VWC2: variants seen among roughly 807,000 people sequenced by gnomAD.
VWC2 encodes von Willebrand factor C domain containing 2.
In VWC2, 14 loss-of-function variants were observed where a neutral mutation model predicts 29.8. That is an observed-to-expected ratio of 0.47 (90% CI 0.31 to 0.74). VWC2 has a LOEUF of 0.74. Ranked by LOEUF, VWC2 falls within the 30% of genes least tolerant of loss-of-function variation. The probability of loss-of-function intolerance (pLI) is 0.05; values close to 1 mark genes in which losing one functional copy is unlikely to be tolerated. For synonymous variants in VWC2, 213 were observed against 199.0 expected (o/e 1.07, Z -0.59); for missense variants, 457 against 459.8 (o/e 0.99, Z 0.05).
At chr7:49,875,132 G>A (rs1791345110) in intron 3 of VWC2, among the ~76,000 whole-genome samples, 1 of 151,336 alleles carries the variant, frequency 6.6e-6, no homozygotes, top group Admixed American at 6.6e-5. Context: ...AGCACTTTGG[G>A]AGGCCGAGGC....
intron 3 of VWC2, among the ~76,000 whole-genome samples, chr7:49,893,973 A>C (rs1792256041): frequency 1.3e-5 from 2 of 152,156 alleles, no homozygotes; most frequent in Admixed American, 6.5e-5. Context: ...CTGGGCTCTC[A>C]CTGCTTGGAG....
rs555495257 is a variant in VWC2, at chr7:49,804,174, A to T, written c.826+1334A>T. On this transcript the variant is annotated intron_variant, in intron 3 of 3. Transcript: ENST00000340652. Reference sequence around the variant, plus strand: ...GAGCATGGAGTGTGTTTTTTTTTTAAAAAAAAAAATGATGTTGAGACACCA... The same window carrying T: ...GAGCATGGAGTGTGTTTTTTTTTTATAAAAAAAAATGATGTTGAGACACCA... Among the ~76,000 whole-genome samples, 464 of 149,918 alleles carry T rather than the reference A, an allele frequency of 3.1e-3. 2 individuals are homozygous for T. The highest frequency in any genetic ancestry group is 4.0e-3 in the African/African-American group (163 of 40,946).
chr7:49,906,024 A>C (rs989111921), intron 3 of VWC2, among the ~76,000 whole-genome samples: 1 of 152,230 alleles, frequency 6.6e-6, no homozygotes, highest in African/African-American at 2.4e-5. Flanking sequence ...CAGAAAACTC[A>C]TAAATAATTG....
Position 49,848,487 on chromosome 7 carries a change from C to T in VWC2, c.826+45647C>T, listed in dbSNP as rs1790048737. ...CCACCTGCCCAGGGTCGGCTGTGGGCCATAGGAACTGTTGCTCAGTGAGCC... is the reference window on the plus strand; with the variant it reads ...CCACCTGCCCAGGGTCGGCTGTGGGTCATAGGAACTGTTGCTCAGTGAGCC... On this transcript the variant is annotated intron_variant, in intron 3 of 3. Transcript: ENST00000340652. 2.0e-5 allele frequency among the ~76,000 whole-genome samples: 3 copies of T among 152,204 alleles called. No homozygotes were observed. The South Asian group carries it at 6.2e-4, about 31-fold the overall frequency.
Position 49,919,406 on chromosome 7 carries a change from T to G in VWC2, c.*7221T>G, listed in dbSNP as rs1793901891. 2 of 152,206 alleles carry G rather than the reference T, an allele frequency of 1.3e-5. No individual in the cohort carries two copies. The highest frequency in any genetic ancestry group is 6.5e-5 in the Admixed American group (1 of 15,290). 9.4% of individuals were successfully genotyped at this position (152,206 alleles called of 1,614,324 possible). A position where few individuals can be genotyped will look rare whatever the true frequency, so the allele number is the denominator to read the frequency against. ...TACATCAGTATTATGATTTATACTT[T>G]TAAGCAAAATTTTGCCATTTTCTGA... On this transcript the variant is annotated 3_prime_UTR_variant, in exon 4 of 4. Coordinates refer to ENST00000340652, the MANE Select transcript of VWC2 (RefSeq NM_198570.5).
At chr7:49,786,855 T>A (rs1401434224) in intron 2 of VWC2, among the ~76,000 whole-genome samples, 1 of 152,212 alleles carries the variant, frequency 6.6e-6, no homozygotes, top group East Asian at 1.9e-4. Context: ...GCTGATTTGT[T>A]TAAATTTCTT....
intron 3 of VWC2, among the ~76,000 whole-genome samples, chr7:49,900,847 A>T (rs1345783052): frequency 2.0e-5 from 3 of 151,928 alleles, no homozygotes; most frequent in Admixed American, 6.6e-5. Flanking sequence ...AAGAATATAG[A>T]TGCAAAAATC....
At chr7:49,803,937 T>C (rs917064357) in intron 3 of VWC2, among the ~76,000 whole-genome samples, 2 of 152,138 alleles carry the variant, frequency 1.3e-5, no homozygotes, top group African/African-American at 4.8e-5. Context: ...ATGTTGCTGT[T>C]GAAGGATAGA....
At chr7:49,783,417 G>A (rs1788221119) in intron 2 of VWC2, among the ~76,000 whole-genome samples, 1 of 152,168 alleles carries the variant, frequency 6.6e-6, no homozygotes, top group East Asian at 1.9e-4. Flanking sequence ...TCCTGGGCCA[G>A]ATGTTCTAGG....
chr7:49,909,563 T>C (rs1793293174), intron 3 of VWC2, among the ~76,000 whole-genome samples: 1 of 151,982 alleles, frequency 6.6e-6, no homozygotes, highest in African/African-American at 2.4e-5. Flanking sequence ...GGTCTTGAAT[T>C]TAAAGTCTTA....
At chr7:49,825,889 T>A (rs1011521893) in intron 3 of VWC2, among the ~76,000 whole-genome samples, 1 of 152,318 alleles carries the variant, frequency 6.6e-6, no homozygotes, top group East Asian at 1.9e-4. Flanking sequence ...TGGCCAGAGT[T>A]ACAGGCAGTT....
At chr7:49,895,638 A>G (rs1275291754) in intron 3 of VWC2, among the ~76,000 whole-genome samples, 3 of 152,162 alleles carry the variant, frequency 2.0e-5, no homozygotes, top group Non-Finnish European at 2.9e-5. Context: ...AATCAACACA[A>G]TGTAACATAT....
intron 3 of VWC2, among the ~76,000 whole-genome samples, chr7:49,904,313 C>T (rs1328852155): frequency 6.6e-6 from 1 of 152,164 alleles, no homozygotes; most frequent in Non-Finnish European, 1.5e-5. Flanking sequence ...CTGTATTATT[C>T]TATAATCATG....
intron 3 of VWC2, among the ~76,000 whole-genome samples, chr7:49,860,305 A>G (rs78582831): frequency 0.029 from 4,436 of 152,272 alleles, 176 homozygotes; most frequent in South Asian, 0.12. Flanking sequence ...TTATGTCTCT[A>G]AAAATTTACC....
intron 3 of VWC2, among the ~76,000 whole-genome samples, chr7:49,908,146 G>A (rs1316955053): frequency 6.6e-6 from 1 of 152,210 alleles, no homozygotes; most frequent in Non-Finnish European, 1.5e-5. Flanking sequence ...AGTCAGGCTG[G>A]AATTTGGTTT....
At chr7:49,846,848 C>T (rs2128715024) in intron 3 of VWC2, among the ~76,000 whole-genome samples, 1 of 152,292 alleles carries the variant, frequency 6.6e-6, no homozygotes, top group South Asian at 2.1e-4. Flanking sequence ...AAGTAGGTTC[C>T]TAATCACTCT....
chr7:49,797,168 T>G (rs778370148), intron 2 of VWC2, among the ~76,000 whole-genome samples: 2 of 152,258 alleles, frequency 1.3e-5, no homozygotes, highest in African/African-American at 2.4e-5. Context: ...CTGCTATGCA[T>G]GTAGTTATGA....
intron 3 of VWC2, among the ~76,000 whole-genome samples, chr7:49,834,176 C>T (rs550789037): frequency 1.6e-4 from 25 of 152,250 alleles, no homozygotes; most frequent in Middle Eastern, 3.4e-3. Flanking sequence ...CTGATCTGTG[C>T]GCAGGGCTGT....
At chr7:49,900,732 AAGG>A (rs1267499662) in intron 3 of VWC2, among the ~76,000 whole-genome samples, 1 of 151,826 alleles carries the variant, frequency 6.6e-6, no homozygotes, top group Non-Finnish European at 1.5e-5. Flanking sequence ...CCAAACATTT[AAGG>A]AAGAACTGAT....
Sources: gnomAD v4.1 joint callset for allele counts (sites outside exome capture counted in the v4.1 genomes callset) on GRCh38, gnomAD v4.1.1 for gene constraint, MANE v1.5 for transcripts, NCBI Gene and HGNC (gene_info 2026-07-23, HGNC 2026-07-21) for gene names.